Variants in BCKDHB observed in about 807,000 individuals in gnomAD.
BCKDHB encodes the protein 2-oxoisovalerate dehydrogenase subunit beta, mitochondrial.
A neutral mutation model predicts 48.5 loss-of-function variants in BCKDHB; 41 were observed. The ratio of observed to expected loss-of-function variants is 0.85; its 90% confidence interval spans 0.66 to 1.10. The LOEUF is 1.10. BCKDHB is among the 50% of genes least tolerant of loss of function. The pLI is 0.00. For missense variants in BCKDHB, 496 were observed against 494.2 expected (o/e 1.00, Z -0.03); for synonymous variants, 201 against 174.8 (o/e 1.15, Z -1.18).
chr6:80,334,188 T>C (rs1194247903), intron 9 of BCKDHB, among the ~76,000 whole-genome samples: 1 of 152,140 alleles, frequency 6.6e-6, no homozygotes, highest in Non-Finnish European at 1.5e-5. Context: ...AGGGTAAATA[T>C]AGTAGAAAAG....
intron 8 of BCKDHB, among the ~76,000 whole-genome samples, chr6:80,207,965 A>G (rs1276673942): frequency 3.3e-5 from 5 of 151,912 alleles, no homozygotes; most frequent in Non-Finnish European, 5.9e-5. Flanking sequence ...CAAGCAGACA[A>G]AATCTCGTGA....
intron 8 of BCKDHB, among the ~76,000 whole-genome samples, chr6:80,249,557 A>G (rs1776752715): frequency 6.6e-6 from 1 of 152,178 alleles, no homozygotes. Context: ...AAATAGTGAA[A>G]TAGCCTGTAG....
chr6:80,203,364 A>G (rs1448274981), intron 8 of BCKDHB, 152 bp downstream of exon 8: 1 of 658,916 alleles, frequency 1.5e-6, no homozygotes, highest in East Asian at 2.7e-5. Flanking sequence ...AGAAAGTTGT[A>G]TAAACAGCTT....
intron 8 of BCKDHB, among the ~76,000 whole-genome samples, chr6:80,264,859 A>G (rs1426010800): frequency 1.9e-4 from 29 of 152,142 alleles, no homozygotes; most frequent in Admixed American, 1.9e-3. Flanking sequence ...CACTATATCA[A>G]CAACAAAACA....
At chr6:80,116,451 C>T (rs1769709000) in intron 1 of BCKDHB, among the ~76,000 whole-genome samples, 1 of 152,204 alleles carries the variant, frequency 6.6e-6, no homozygotes, top group Admixed American at 6.5e-5. Flanking sequence ...ATGTCAGGCC[C>T]TGTTGTGAGC....
At chr6:80,411,061 G>C in the BCKDHB span, among the ~76,000 whole-genome samples, 1 of 152,132 alleles carries the variant, frequency 6.6e-6, no homozygotes, top group South Asian at 2.1e-4. Context: ...TTCTCCTATG[G>C]TTTCTTCCCA....
chr6:80,174,564 T>C lies in BCKDHB; in HGVS notation c.742+3174T>C, dbSNP rs539792600. Among the ~76,000 whole-genome samples, 5 of 152,284 alleles carry C rather than the reference T, an allele frequency of 3.3e-5. No individual in the cohort carries two copies. In the East Asian group the frequency reaches 5.8e-4, roughly 18 times the overall value. Reference sequence around the variant, plus strand: ...TAGTTGAAAAAAATTTGCGTATAAGTGGACCCCTCCAGTTCAAACTGTGTT... The same window carrying C: ...TAGTTGAAAAAAATTTGCGTATAAGCGGACCCCTCCAGTTCAAACTGTGTT... On this transcript the variant is annotated intron_variant, in intron 6 of 9. Transcript: ENST00000320393.
chr6:80,318,231 A>G (rs77472470), intron 9 of BCKDHB, among the ~76,000 whole-genome samples: 4,321 of 152,308 alleles, frequency 0.028, 185 homozygotes, highest in African/African-American at 0.099. Flanking sequence ...GGAGAATTGG[A>G]TATAGAGATA....
intron 3 of BCKDHB, among the ~76,000 whole-genome samples, chr6:80,129,858 A>C (rs996251250): frequency 6.6e-6 from 1 of 152,188 alleles, no homozygotes; most frequent in South Asian, 2.1e-4. Flanking sequence ...TGCTTTATTC[A>C]AAATCTACTG....
At chr6:80,358,365 A>T in the BCKDHB span, among the ~76,000 whole-genome samples, 1 of 152,130 alleles carries the variant, frequency 6.6e-6, no homozygotes, top group Non-Finnish European at 1.5e-5. Flanking sequence ...TTACTTTTTT[A>T]AAAGTTTTAC....
chr6:80,404,363 A>C, the BCKDHB span, among the ~76,000 whole-genome samples: 5 of 151,906 alleles, frequency 3.3e-5, no homozygotes, highest in African/African-American at 1.2e-4. Context: ...TTTTTGATGT[A>C]TAATTATAAT....
At chr6:80,142,054 C>T (rs1179843055) in intron 3 of BCKDHB, among the ~76,000 whole-genome samples, 6 of 151,986 alleles carry the variant, frequency 3.9e-5, no homozygotes, top group African/African-American at 7.2e-5. Context: ...CTAATTTTTG[C>T]ACATCAAGAC....
the BCKDHB span, among the ~76,000 whole-genome samples, chr6:80,402,251 C>G: frequency 6.6e-6 from 1 of 151,782 alleles, no homozygotes; most frequent in Admixed American, 6.6e-5. Flanking sequence ...ACAAGGGTTC[C>G]CTTTTTCCAC....
chr6:80,135,999 C>A (rs1582208134), intron 3 of BCKDHB: 1 of 152,130 alleles, frequency 6.6e-6, no homozygotes, highest in East Asian at 1.9e-4. Flanking sequence ...GTCAAAGTTT[C>A]CTCCCTTTTT....
chr6:80,161,498 T>C (rs950441994), intron 3 of BCKDHB, among the ~76,000 whole-genome samples: 1 of 152,204 alleles, frequency 6.6e-6, no homozygotes, highest in African/African-American at 2.4e-5. Context: ...TAATTTATCC[T>C]TTCAAACTAA....
intron 1 of BCKDHB, among the ~76,000 whole-genome samples, chr6:80,114,167 A>G (rs1308112539): frequency 6.6e-6 from 1 of 151,854 alleles, no homozygotes; most frequent in Non-Finnish European, 1.5e-5. Flanking sequence ...AGTTGGCCTT[A>G]GGTTCCCTGC....
chr6:80,144,648 T>G (rs569056904), intron 3 of BCKDHB, among the ~76,000 whole-genome samples: 1 of 152,254 alleles, frequency 6.6e-6, no homozygotes, highest in Admixed American at 6.5e-5. Context: ...TTCATTCATT[T>G]CTGGCCAGAT....
rs114449888 is a variant in BCKDHB at position 80,345,387 on chromosome 6, A to G, written c.*1583A>G. 1.1e-4 allele frequency: 17 copies of G among 152,356 alleles called. No individual in the cohort carries two copies. Among genetic ancestry groups the G allele is most frequent in the African/African-American group, 4.1e-4 (17 of 41,590 alleles). 9.4% of individuals were successfully genotyped at this position (152,356 alleles called of 1,614,324 possible). On this transcript the variant is annotated 3_prime_UTR_variant, in exon 10 of 10. Coordinates refer to ENST00000320393, the MANE Select transcript of BCKDHB (RefSeq NM_183050.4). Reference sequence around the variant, plus strand: ...ACTTTTTAAAGATCAGAAATGCTAGAATTCTTGACTTTTGTGTATGGGTAG... The same window carrying G: ...ACTTTTTAAAGATCAGAAATGCTAGGATTCTTGACTTTTGTGTATGGGTAG...
chr6:80,401,498 T>C, the BCKDHB span, among the ~76,000 whole-genome samples: 1 of 151,860 alleles, frequency 6.6e-6, no homozygotes, highest in Non-Finnish European at 1.5e-5. Context: ...TCATGTCAAA[T>C]TGTAATCCTC....
Sources: gnomAD v4.1 joint callset for allele counts (sites outside exome capture counted in the v4.1 genomes callset) on GRCh38, gnomAD v4.1.1 for gene constraint, MANE v1.5 for transcripts, NCBI Gene and HGNC (gene_info 2026-07-23, HGNC 2026-07-21) for gene names.